The following LRP5 variants were observed in gnomAD, a reference collection of about 807,000 sequenced individuals.
The protein encoded by LRP5 is LDL receptor related protein 5.
In LRP5, 62 loss-of-function variants were observed where a neutral mutation model predicts 154.1. The ratio of observed to expected loss-of-function variants is 0.40; its 90% CI spans 0.33 to 0.50. LRP5 has a LOEUF of 0.50. Among genes scored for constraint, LRP5 ranks in the 20% least tolerant of loss-of-function variants. LRP5 has a pLI of 0.55. For synonymous variants in LRP5, 966 were observed against 1,011.5 expected, an observed-to-expected ratio of 0.96 and a Z score of 0.85; for missense variants, 1,915 against 2,336.7, an observed-to-expected ratio of 0.82 and a Z score of 3.72.
At chr11:68,299,118 C>T in the LRP5 span, among the ~76,000 whole-genome samples, 5 of 152,354 alleles carry the variant, frequency 3.3e-5, no homozygotes, top group African/African-American at 4.8e-5. Flanking sequence ...CAGACTTGGA[C>T]GTCCCAAGTC....
chr11:68,399,479 GA>G (rs1272050308), intron 7 of LRP5, among the ~76,000 whole-genome samples: 1 of 152,166 alleles, frequency 6.6e-6, no homozygotes, highest in African/African-American at 2.4e-5. Flanking sequence ...CCTGAAAGCT[GA>G]AAATATTTTC....
In LRP5 at chr11:68,406,721, G is replaced by A. The variant is rs4988321; in HGVS notation, c.1999G>A (p.Val667Met). 0.045 allele frequency: 73,173 copies of A among 1,614,070 alleles called. 1,942 individuals carry two copies. The highest frequency in any genetic ancestry group is 0.096 in the Middle Eastern group (584 of 6,060). ...RISLETNNND[V>M]AIPLTGVKEA... ...CTCCCTCGAGACCAATAACAACGAC[G>A]TGGCCATCCCGCTCACGGGCGTCAA... Residue 667 changes from valine to methionine, a missense_variant, in exon 9 of 23, where the codon GTG (valine) becomes ATG (methionine). Val to Met is a conservative substitution (Grantham distance 21). Around this residue, in one of 3 missense-constraint regions of LRP5, gnomAD observed 773 missense variants for 1,100.9 expected, o/e 0.70. Coordinates refer to ENST00000294304, the MANE Select transcript of LRP5 (RefSeq NM_002335.4).
chr11:68,360,768 C>A (rs1417473613), intron 3 of LRP5, among the ~76,000 whole-genome samples: 11 of 152,068 alleles, frequency 7.2e-5, no homozygotes, highest in Non-Finnish European at 1.5e-4. Flanking sequence ...GAGGCCGAGG[C>A]GGGCGGATTA....
chr11:68,380,942 A>G (rs762799671), intron 5 of LRP5, among the ~76,000 whole-genome samples: 2 of 152,252 alleles, frequency 1.3e-5, no homozygotes, highest in Admixed American at 1.3e-4. Context: ...GTCTAACCCC[A>G]GGAACCTGTG....
At chr11:68,442,045 T>C (rs2098678474) in intron 21 of LRP5, among the ~76,000 whole-genome samples, 1 of 152,256 alleles carries the variant, frequency 6.6e-6, no homozygotes, top group Admixed American at 6.5e-5. Context: ...AGTGTGTTTC[T>C]TCTATGTCCC....
chr11:68,376,414 C>G (rs990368573), intron 5 of LRP5, among the ~76,000 whole-genome samples: 3 of 152,064 alleles, frequency 2.0e-5, no homozygotes, highest in Admixed American at 1.3e-4. Flanking sequence ...ATCTCCTGAC[C>G]ATCTCGTGAT....
intron 1 of LRP5, among the ~76,000 whole-genome samples, chr11:68,326,616 G>A (rs2098599844): frequency 6.6e-6 from 1 of 152,262 alleles, no homozygotes; most frequent in African/African-American, 2.4e-5. Context: ...CAGTCTGTGG[G>A]CCAGATGGGG....
chr11:68,367,801 C>T (rs1453355286), intron 5 of LRP5, among the ~76,000 whole-genome samples: 8 of 152,162 alleles, frequency 5.3e-5, no homozygotes, highest in African/African-American at 1.9e-4. Context: ...CAGTGGCTCA[C>T]GCCTGTAATC....
At chr11:68,314,686 C>G (rs992915845) in intron 1 of LRP5, among the ~76,000 whole-genome samples, 5 of 152,238 alleles carry the variant, frequency 3.3e-5, no homozygotes, top group African/African-American at 4.8e-5. Context: ...AGTGCTTGTT[C>G]CAGGGCCGGC....
chr11:68,370,213 C>A (rs553522493), intron 5 of LRP5, among the ~76,000 whole-genome samples: 8 of 152,292 alleles, frequency 5.3e-5, no homozygotes, highest in Admixed American at 3.3e-4. Flanking sequence ...AACAGCTGGG[C>A]CTTCTGAGCC....
At chr11:68,409,500 T>C (rs184071651) in intron 9 of LRP5, among the ~76,000 whole-genome samples, 1 of 152,044 alleles carries the variant, frequency 6.6e-6, no homozygotes, top group African/African-American at 2.4e-5. Context: ...TGGTCCAGAA[T>C]GTGTTCAGTA....
At chr11:68,299,389 G>C in the LRP5 span, among the ~76,000 whole-genome samples, 1 of 152,194 alleles carries the variant, frequency 6.6e-6, no homozygotes, top group Non-Finnish European at 1.5e-5. Context: ...GCAGAATCTA[G>C]AAGACAGATG....
At position 68,379,696 on chromosome 11, in the gene LRP5, T is replaced by G. The variant is rs533066344; in HGVS notation, c.1016-6620T>G. Among the ~76,000 whole-genome samples, 13 of 152,392 alleles carry G rather than the reference T, an allele frequency of 8.5e-5. No homozygotes were observed. In the East Asian group the frequency reaches 1.7e-3, roughly 20 times the overall value. ...CTTTTAATTTTTTAAACAACATTAA[T>G]AGACTTCATTTTTTTAGAGCAGTTT... On this transcript the variant is annotated intron_variant, in intron 5 of 22. Coordinates refer to ENST00000294304, the MANE Select transcript of LRP5 (RefSeq NM_002335.4).
At chr11:68,400,284 G>C (rs900173129) in intron 7 of LRP5, among the ~76,000 whole-genome samples, 2 of 152,140 alleles carry the variant, frequency 1.3e-5, no homozygotes, top group African/African-American at 2.4e-5. Context: ...GCCCTCTGTG[G>C]GCTCCTTTTT....
At chr11:68,418,759 G>A (rs560611195) in intron 13 of LRP5, among the ~76,000 whole-genome samples, 1 of 152,324 alleles carries the variant, frequency 6.6e-6, no homozygotes, top group African/African-American at 2.4e-5. Flanking sequence ...GGGCAGCTGT[G>A]ATCATTGCCT....
Position 68,406,538 on chromosome 11 carries a change from G to A in LRP5, c.1816G>A (p.Ala606Thr), listed in dbSNP as rs768061512. The A allele has an allele frequency of 3.0e-5, 48 of 1,614,022 alleles. No individual in the cohort carries two copies. Among genetic ancestry groups the A allele is most frequent in the Non-Finnish European group, 3.8e-5 (45 of 1,180,032 alleles). ...TTCGCTTCCAGGAACCAACCCGTGT[G>A]CGGACAGGAACGGGGGGTGCAGCCA... ...VAKVVGTNPC[A>T]DRNGGCSHLC... Residue 606 changes from alanine (A) to threonine (T), a missense_variant, in exon 9 of 23, where the codon GCG becomes ACG. Coordinates refer to ENST00000294304, the MANE Select transcript of LRP5 (RefSeq NM_002335.4).
chr11:68,429,769 G>C, intron 17 of LRP5, 69 bp downstream of exon 17: 2 of 1,602,478 alleles, frequency 1.2e-6, no homozygotes, highest in African/African-American at 2.7e-5. Flanking sequence ...CTAGGCTGCT[G>C]CCTGGCATCC....
At chr11:68,409,889 C>T in intron 9 of LRP5, 25 bp from the exon 10 acceptor site, 1 of 1,566,226 alleles carries the variant, frequency 6.4e-7, no homozygotes, top group Non-Finnish European at 8.8e-7. Flanking sequence ...AAAATGTGGC[C>T]CTTTTCCTCC....
At position 68,324,107 on chromosome 11, in the gene LRP5, C is replaced by G. The variant is rs76345889; in HGVS notation, c.91+11302C>G. Among the ~76,000 whole-genome samples, 1,381 of 152,324 alleles carry G rather than the reference C, an allele frequency of 9.1e-3. 14 individuals are homozygous for G. Among genetic ancestry groups the G allele is most frequent in the African/African-American group, 0.031 (1,268 of 41,570 alleles). ...TTGGTGCCGTCCGCTGCGTCTGCCT[C>G]TTAGAGCATGGAGTTCTCCTTCTCA... On this transcript the variant is annotated intron_variant, in intron 1 of 22. Transcript: ENST00000294304.
Sources: gnomAD v4.1 joint callset for allele counts (sites outside exome capture counted in the v4.1 genomes callset) on GRCh38, gnomAD v4.1.1 for gene constraint, gnomAD v4.1.1 regional missense constraint, MANE v1.5 for transcripts, NCBI Gene and HGNC (gene_info 2026-07-23, HGNC 2026-07-21) for gene names.